EIF2S1: variants seen among roughly 807,000 people sequenced by gnomAD.
EIF2S1 encodes the protein eukaryotic translation initiation factor 2 subunit alpha, also known as eukaryotic translation initiation factor 2 subunit 1.
Under a neutral mutation model 33.5 loss-of-function variants are expected in EIF2S1, and 5 were observed. That is an observed-to-expected ratio of 0.15 (90% CI 0.08 to 0.31). The LOEUF is 0.31. EIF2S1 is among the 10% of genes least tolerant of loss of function. EIF2S1 has a pLI of 1.00. For synonymous variants in EIF2S1, 99 were observed against 127.5 expected, an observed-to-expected ratio of 0.78 and a Z score of 1.51; for missense variants, 191 against 384.6, an observed-to-expected ratio of 0.50 and a Z score of 4.21.
intron 1 of EIF2S1, among the ~76,000 whole-genome samples, chr14:67,362,182 G>A (rs1374262467): frequency 1.3e-5 from 2 of 151,792 alleles, no homozygotes; most frequent in South Asian, 4.2e-4. Context: ...ACCACACCCA[G>A]CTAATTTTGG....
intron 2 of EIF2S1, among the ~76,000 whole-genome samples, chr14:67,369,875 C>G (rs918067804): frequency 1.3e-5 from 2 of 152,124 alleles, no homozygotes; most frequent in Non-Finnish European, 2.9e-5. Context: ...GACCCTAACC[C>G]AGAGGCGCTA....
At chr14:67,383,183 C>T (rs1458253014) in intron 7 of EIF2S1, 132 bp from the exon 8 acceptor site, 2 of 1,004,010 alleles carry the variant, frequency 2.0e-6, no homozygotes, top group Non-Finnish European at 2.8e-6. Flanking sequence ...ATAAGTCACT[C>T]AAAAGTGAAC....
intron 1 of EIF2S1, among the ~76,000 whole-genome samples, chr14:67,362,271 C>T (rs1218216240): frequency 3.9e-5 from 6 of 151,946 alleles, no homozygotes; most frequent in Admixed American, 2.0e-4. Flanking sequence ...CCACCCGCCT[C>T]GGCCTCCCAA....
intron 4 of EIF2S1, among the ~76,000 whole-genome samples, chr14:67,379,494 A>G (rs1189632985): frequency 6.6e-6 from 1 of 151,974 alleles, no homozygotes; most frequent in Non-Finnish European, 1.5e-5. Flanking sequence ...TTATACATTT[A>G]TGTTGGTTGT....
At chr14:67,369,212 A>T (rs1446797721) in intron 2 of EIF2S1, among the ~76,000 whole-genome samples, 2 of 152,220 alleles carry the variant, frequency 1.3e-5, no homozygotes, top group East Asian at 3.8e-4. Flanking sequence ...TACCTTAAGG[A>T]GACAGTGTCT....
intron 4 of EIF2S1, among the ~76,000 whole-genome samples, chr14:67,377,495 AATAGAAACCATTGCACAAG>A (rs1308444458): frequency 6.6e-6 from 1 of 152,224 alleles, no homozygotes; most frequent in East Asian, 1.9e-4. Context: ...TTATAAAGAA[AATAGAAACCATTGCACAAG>A]AACTACTTTT....
chr14:67,379,363 A>G (rs2085873918), intron 4 of EIF2S1, among the ~76,000 whole-genome samples: 2 of 152,026 alleles, frequency 1.3e-5, no homozygotes, highest in Admixed American at 1.3e-4. Context: ...GTATCTTTTG[A>G]TTTGCATACT....
rs952685725 is a variant in EIF2S1, at chr14:67,381,558, A to G, written c.581-35A>G. The stretch of plus-strand genomic sequence containing the variant: ...CTTTAAACTTTTAAATATTTTTTGC[A>G]TTTTTTATCAACTTTTGAATTTTTG... On this transcript the variant is annotated intron_variant, in intron 5 of 7. Coordinates refer to ENST00000256383, the MANE Select transcript of EIF2S1 (RefSeq NM_004094.5). 15 of 1,563,698 alleles carry G rather than the reference A, an allele frequency of 9.6e-6. No homozygotes were observed. The Admixed American group carries it at 2.6e-4, about 27-fold the overall frequency.
chr14:67,385,455 AAC>A lies in EIF2S1; in HGVS notation c.*2016_*2017del, dbSNP rs1315941020. On this transcript the variant is annotated 3_prime_UTR_variant, in exon 8 of 8. Coordinates refer to ENST00000256383, the MANE Select transcript of EIF2S1 (RefSeq NM_004094.5). ...ACCCTGTCTCAAAAAAAAAAAAAAA[AAC>A]CAAAAATCTTGAATCTCCCATCAAA... is the stretch of plus-strand genomic sequence containing the variant. 3.5e-5 allele frequency: 5 copies of A among 143,090 alleles called. No individual in the cohort carries two copies. The East Asian group carries it at 8.7e-4, about 25-fold the overall frequency. The allele number at this position is 143,090 out of a possible 1,614,324, so 8.9% of individuals were successfully genotyped here.
At chr14:67,373,484 A>C (rs1354082070) in intron 2 of EIF2S1, among the ~76,000 whole-genome samples, 2 of 152,194 alleles carry the variant, frequency 1.3e-5, no homozygotes, top group African/African-American at 4.8e-5. Context: ...ACAAGAACTA[A>C]AAGGGAATTT....
intron 4 of EIF2S1, among the ~76,000 whole-genome samples, chr14:67,377,917 G>A (rs1015503987): frequency 1.3e-5 from 2 of 151,648 alleles, no homozygotes; most frequent in Admixed American, 6.6e-5. Context: ...AGACCATCCT[G>A]GGCAGCATAG....
chr14:67,370,848 A>C (rs2085816039), intron 2 of EIF2S1, among the ~76,000 whole-genome samples: 1 of 151,738 alleles, frequency 6.6e-6, no homozygotes, highest in African/African-American at 2.4e-5. Flanking sequence ...AACATGACGA[A>C]ACCTCATCTC....
Position 67,382,563 on chromosome 14 carries a change from G to C in EIF2S1, c.795G>C (p.Lys265Asn), listed in dbSNP as rs775152151. ...TTATCAAAGAGAAGATTGAGGAAAA[G>C]AGGGGTGTGTTCAATGTTCAAATGG... ...MAVIKEKIEE[K>N]RGVFNVQMEP... The change falls in exon 7 of 8, where the codon AAG (lysine) becomes AAC (asparagine). Residue 265 changes from lysine (K) to asparagine (N), a missense_variant. Physicochemically the swap from Lys to Asn is moderately conservative, Grantham distance 94 (BLOSUM62 0). Coordinates refer to ENST00000256383, the MANE Select transcript of EIF2S1 (RefSeq NM_004094.5). The C allele has an allele frequency of 6.2e-7, 1 of 1,613,966 alleles. No individual in the cohort carries two copies. The highest frequency in any genetic ancestry group is 8.5e-7 in the Non-Finnish European group (1 of 1,179,924).
rs1271033891 is a variant in EIF2S1 at position 67,384,066 on chromosome 14, C to G, written c.*626C>G. On this transcript the variant is annotated 3_prime_UTR_variant, in exon 8 of 8. Coordinates refer to ENST00000256383, the MANE Select transcript of EIF2S1 (RefSeq NM_004094.5). Reference sequence around the variant, plus strand: ...AAGTTGACCCTTAGCGGGACAAAGCCTTAAAATGCATTGAAAGAATTAGAT... The same window carrying G: ...AAGTTGACCCTTAGCGGGACAAAGCGTTAAAATGCATTGAAAGAATTAGAT... The G allele has an allele frequency of 6.5e-6, 1 of 155,008 alleles. No individual in the cohort carries two copies. Among genetic ancestry groups the G allele is most frequent in the Non-Finnish European group, 1.4e-5 (1 of 69,996 alleles). The allele number at this position is 155,008 out of a possible 1,614,324, so 9.6% of individuals were successfully genotyped here.
chr14:67,367,508 C>T (rs993684777), intron 2 of EIF2S1, among the ~76,000 whole-genome samples: 30 of 152,228 alleles, frequency 2.0e-4, no homozygotes, highest in African/African-American at 5.8e-4. Context: ...GGATTACAGG[C>T]GTGAGCCACC....
chr14:67,373,152 T>C (rs1219615249), intron 2 of EIF2S1, among the ~76,000 whole-genome samples: 3 of 152,214 alleles, frequency 2.0e-5, no homozygotes, highest in African/African-American at 7.2e-5. Context: ...GTACTTAATA[T>C]ATAACCCAGC....
intron 1 of EIF2S1, chr14:67,363,956 T>G (rs982854220): frequency 6.6e-6 from 1 of 152,210 alleles, no homozygotes; most frequent in Non-Finnish European, 1.5e-5. Flanking sequence ...TTCAGGCTTG[T>G]GGATCATAAA....
At position 67,386,422 on chromosome 14, in the gene EIF2S1, A is replaced by C. The variant is rs1204032379; in HGVS notation, c.*2982A>C. 6.6e-6 allele frequency: 1 copy of C among 152,188 alleles called. No individual in the cohort carries two copies. The highest frequency in any genetic ancestry group is 1.5e-5 in the Non-Finnish European group (1 of 68,028). 9.4% of individuals were successfully genotyped at this position (152,188 alleles called of 1,614,324 possible). ...TGTATTTTATCTGTTGATTAAGGGG[A>C]GGTCCAAGCATTTGTACTTGGCAGG... On this transcript the variant is annotated 3_prime_UTR_variant, in exon 8 of 8. Coordinates refer to ENST00000256383, the MANE Select transcript of EIF2S1 (RefSeq NM_004094.5).
In EIF2S1 at chr14:67,373,739, A is replaced by G. The variant is rs139433813; in HGVS notation, c.242-729A>G. ...GCTGTGGGAAAGAGAGTGATAATCT[A>G]CCATGCAGGATTGTTGTGAGGGTTC... On this transcript the variant is annotated intron_variant, in intron 2 of 7. Coordinates refer to ENST00000256383, the MANE Select transcript of EIF2S1 (RefSeq NM_004094.5). 1.1e-4 allele frequency among the ~76,000 whole-genome samples: 17 copies of G among 152,264 alleles called. No homozygotes were observed. In the East Asian group the frequency reaches 3.1e-3, roughly 28 times the overall value.
Sources: gnomAD v4.1 joint callset for allele counts (sites outside exome capture counted in the v4.1 genomes callset) on GRCh38, gnomAD v4.1.1 for gene constraint, MANE v1.5 for transcripts, NCBI Gene and HGNC (gene_info 2026-07-23, HGNC 2026-07-21) for gene names.